Variants in BMPR1B observed in about 807,000 individuals in gnomAD.
BMPR1B encodes the protein bone morphogenetic protein receptor type-1B.
In BMPR1B, 12 loss-of-function variants were observed where a neutral mutation model predicts 59.1. The observed-to-expected ratio is 0.20, with a 90% confidence interval of 0.13 to 0.33. The LOEUF (loss-of-function observed/expected upper bound fraction) is 0.33, where lower values mean the gene tolerates loss of function less well. BMPR1B is among the 10% of genes least tolerant of loss of function. The probability of loss-of-function intolerance (pLI) is 1.00; values close to 1 mark genes in which losing one functional copy is unlikely to be tolerated. For synonymous variants in BMPR1B, 237 were observed against 207.3 expected, an observed-to-expected ratio of 1.14 and a Z score of -1.23; for missense variants, 550 against 610.9, an observed-to-expected ratio of 0.90 and a Z score of 1.05.
chr4:94,830,426 A>G (rs985247891), intron 1 of BMPR1B, among the ~76,000 whole-genome samples: 4 of 152,170 alleles, frequency 2.6e-5, no homozygotes, highest in East Asian at 1.9e-4. Flanking sequence ...TAAAATTTCA[A>G]TATTTAAAAT....
chr4:94,891,439 A>T (rs2148990464), intron 2 of BMPR1B, among the ~76,000 whole-genome samples: 1 of 152,226 alleles, frequency 6.6e-6, no homozygotes, highest in Middle Eastern at 3.4e-3. Flanking sequence ...TAAAATTAAG[A>T]CTTTGAAACT....
intron 3 of BMPR1B, among the ~76,000 whole-genome samples, chr4:95,082,678 A>C (rs565800726): frequency 6.6e-6 from 1 of 152,248 alleles, no homozygotes; most frequent in East Asian, 1.9e-4. Flanking sequence ...TGTTTTATTA[A>C]CGTAATATTC....
rs187868598 is a variant in BMPR1B at position 95,130,022 on chromosome 4, A to T, written c.746A>T (p.Gln249Leu). 19 of 1,613,944 alleles carry T rather than the reference A, an allele frequency of 1.2e-5. No homozygotes were observed. The highest frequency in any genetic ancestry group is 2.2e-5 in the East Asian group (1 of 44,866). The change falls in exon 9 of 13, where the codon CAG becomes CTG. Residue 249 changes from glutamine (Q) to leucine (L), a missense_variant. Gln to Leu is a moderately radical substitution (Grantham distance 113). Around this residue, in one of 6 missense-constraint regions of BMPR1B, gnomAD observed 318 missense variants for 284.6 expected, o/e 1.12. Transcript: ENST00000515059. Reference sequence around the variant, plus strand: ...TGGTTCAGAGAGACAGAAATATATCAGACAGTGTTGATGAGGCATGAAAAC... The same window carrying T: ...TGGTTCAGAGAGACAGAAATATATCTGACAGTGTTGATGAGGCATGAAAAC... ...ASWFRETEIY[Q>L]TVLMRHENIL...
At chr4:94,975,357 G>GTTTTTTTT (rs1177887549) in intron 2 of BMPR1B, among the ~76,000 whole-genome samples, 5 of 94,216 alleles carry the variant, frequency 5.3e-5, no homozygotes, top group Non-Finnish European at 8.1e-5. Context: ...ATTTCCTTTT[G>GTTTTTTTT]TTTTTGTTTT....
chr4:95,073,776 A>C (rs1728497060), intron 3 of BMPR1B, among the ~76,000 whole-genome samples: 1 of 152,190 alleles, frequency 6.6e-6, no homozygotes. Flanking sequence ...TTAAAGTCTT[A>C]CTGTTTTCTC....
chr4:94,865,191 T>C (rs1394422954), intron 1 of BMPR1B, among the ~76,000 whole-genome samples: 1 of 151,882 alleles, frequency 6.6e-6, no homozygotes, highest in Non-Finnish European at 1.5e-5. Flanking sequence ...GTATTTTCAG[T>C]AGAGATGGAG....
intron 1 of BMPR1B, among the ~76,000 whole-genome samples, chr4:94,845,157 G>C (rs912749312): frequency 2.6e-5 from 4 of 152,004 alleles, no homozygotes; most frequent in African/African-American, 9.7e-5. Flanking sequence ...ATATTTCGTA[G>C]AGGTTTTAAT....
chr4:94,946,174 G>C (rs1157846192), intron 2 of BMPR1B, among the ~76,000 whole-genome samples: 1 of 152,112 alleles, frequency 6.6e-6, no homozygotes, highest in African/African-American at 2.4e-5. Flanking sequence ...GAGTATATTT[G>C]TGTTATCTCT....
At chr4:94,913,511 C>A (rs970196497) in intron 2 of BMPR1B, among the ~76,000 whole-genome samples, 1 of 152,138 alleles carries the variant, frequency 6.6e-6, no homozygotes, top group Non-Finnish European at 1.5e-5. Context: ...ATTTAAATAT[C>A]TAAACTTTGC....
In BMPR1B at chr4:94,774,003, G is replaced by A. The variant is rs184766903; in HGVS notation, c.-183+15935G>A. 2.0e-3 allele frequency among the ~76,000 whole-genome samples: 309 copies of A among 152,044 alleles called. 4 individuals are homozygous for A. The highest frequency in any genetic ancestry group is 7.2e-3 in the African/African-American group (299 of 41,508). On this transcript the variant is annotated intron_variant, in intron 1 of 12. Transcript: ENST00000515059. ...TGAAAATGTCTGGGAAACCTGATAC[G>A]TGCTTATTATTTTCAGGTTGATTAG...
intron 2 of BMPR1B, among the ~76,000 whole-genome samples, chr4:94,886,886 G>T (rs1190501887): frequency 6.6e-6 from 1 of 152,110 alleles, no homozygotes; most frequent in Non-Finnish European, 1.5e-5. Context: ...GTATAGGTCA[G>T]ATATACCTCA....
Position 94,975,126 on chromosome 4 carries a change from G to A in BMPR1B, c.-112-20914G>A, listed in dbSNP as rs1730969416. Reference sequence around the variant, plus strand: ...TCAGGCTCCAAGGTCTCCTCAGGATGTGGGCTTTGGTGGTGGAGCAGGTGA... The same window carrying A: ...TCAGGCTCCAAGGTCTCCTCAGGATATGGGCTTTGGTGGTGGAGCAGGTGA... On this transcript the variant is annotated intron_variant, in intron 2 of 12. Coordinates refer to ENST00000515059, the MANE Select transcript of BMPR1B (RefSeq NM_001203.3). Among the ~76,000 whole-genome samples the A allele has an allele frequency of 2.0e-5, 3 of 152,212 alleles. No individual in the cohort carries two copies. The South Asian group carries it at 6.2e-4, about 32-fold the overall frequency.
At chr4:94,979,788 A>G (rs1490852881) in intron 2 of BMPR1B, among the ~76,000 whole-genome samples, 10 of 152,246 alleles carry the variant, frequency 6.6e-5, no homozygotes, top group Non-Finnish European at 2.9e-5. Context: ...CTTCTTGGCC[A>G]CACCAGCTTG....
chr4:94,794,339 C>A (rs540812150), intron 1 of BMPR1B, among the ~76,000 whole-genome samples: 2 of 151,630 alleles, frequency 1.3e-5, no homozygotes, highest in Non-Finnish European at 2.9e-5. Flanking sequence ...AGATATGTGG[C>A]GTTATTTCTG....
rs1391756863 is a variant in BMPR1B, at chr4:94,822,447, G to A, written c.-182-53384G>A. Among the ~76,000 whole-genome samples the A allele has an allele frequency of 7.2e-5, 11 of 152,076 alleles. No individual in the cohort carries two copies. The East Asian group carries it at 2.1e-3, about 29-fold the overall frequency. Reference sequence around the variant, plus strand: ...ATATTTCGTGATGGTTGGGTAGATGGGTAAATTAATAAATTGAAAGGAAAG... The same window carrying A: ...ATATTTCGTGATGGTTGGGTAGATGAGTAAATTAATAAATTGAAAGGAAAG... On this transcript the variant is annotated intron_variant, in intron 1 of 12. Transcript: ENST00000515059.
At chr4:95,090,124 G>C (rs947167326) in intron 3 of BMPR1B, among the ~76,000 whole-genome samples, 12 of 151,884 alleles carry the variant, frequency 7.9e-5, no homozygotes, top group Non-Finnish European at 1.6e-4. Context: ...CATGTACACA[G>C]GAATTTTTGT....
intron 2 of BMPR1B, among the ~76,000 whole-genome samples, chr4:94,912,757 T>C (rs1314043954): frequency 6.6e-6 from 1 of 152,082 alleles, no homozygotes; most frequent in Non-Finnish European, 1.5e-5. Context: ...TCACAGGTGA[T>C]TCTGGTATGT....
At chr4:95,046,757 G>A (rs1470805242) in intron 3 of BMPR1B, among the ~76,000 whole-genome samples, 1 of 152,078 alleles carries the variant, frequency 6.6e-6, no homozygotes, top group East Asian at 1.9e-4. Context: ...TCTTCTCTCA[G>A]AACTTTCTTT....
chr4:95,027,478 A>T (rs1334561890), intron 3 of BMPR1B, among the ~76,000 whole-genome samples: 1 of 152,168 alleles, frequency 6.6e-6, no homozygotes, highest in Admixed American at 6.6e-5. Flanking sequence ...TTTGAACTGG[A>T]TGATAAATGC....
Sources: gnomAD v4.1 joint callset for allele counts (sites outside exome capture counted in the v4.1 genomes callset) on GRCh38, gnomAD v4.1.1 for gene constraint, gnomAD v4.1.1 regional missense constraint, MANE v1.5 for transcripts, NCBI Gene and HGNC (gene_info 2026-07-23, HGNC 2026-07-21) for gene names.